STPG4: variants seen among roughly 807,000 people sequenced by gnomAD.
The protein encoded by STPG4 is protein STPG4.
Under a neutral mutation model 31.5 loss-of-function variants are expected in STPG4, and 41 were observed. The observed-to-expected ratio is 1.30, with a 90% confidence interval of 1.01 to 1.69. The LOEUF (loss-of-function observed/expected upper bound fraction) is 1.69, where lower values mean the gene tolerates loss of function less well. Ranked by LOEUF, STPG4 falls within the 40% of genes most tolerant of loss-of-function variation. STPG4 has a pLI of 0.00. For missense variants in STPG4, 375 were observed against 293.4 expected (o/e 1.28, Z -2.03); for synonymous variants, 141 against 103.0 (o/e 1.37, Z -2.24).
intron 6 of STPG4, among the ~76,000 whole-genome samples, 192 bp downstream of exon 6, chr2:47,090,078 G>A (rs1051179185): frequency 6.6e-6 from 1 of 152,176 alleles, no homozygotes; most frequent in African/African-American, 2.4e-5. Context: ...AGTTGGTTGA[G>A]AACATCCAGG....
intron 5 of STPG4, among the ~76,000 whole-genome samples, chr2:47,093,468 A>C (rs376320268): frequency 1.1e-4 from 16 of 152,240 alleles, no homozygotes; most frequent in African/African-American, 3.9e-4. Context: ...ATAAAGATGC[A>C]GTGCTCTGAA....
In STPG4 at chr2:47,086,999, A is replaced by G; in HGVS notation, c.*9T>C. On this transcript the variant is annotated 3_prime_UTR_variant, in exon 7 of 7. Coordinates refer to ENST00000445927, the MANE Select transcript of STPG4 (RefSeq NM_001163561.2). ...AAACCTCAAAGTAGAGCTTGGTGCC[A>G]AGATCACTTTATTTTAAAAGCCAAT... 1 of 1,551,644 alleles carries G rather than the reference A, an allele frequency of 6.4e-7. No individual in the cohort carries two copies. The highest frequency in any genetic ancestry group is 8.7e-7 in the Non-Finnish European group (1 of 1,146,938).
chr2:47,093,073 G>C (rs1685603446), intron 5 of STPG4, among the ~76,000 whole-genome samples: 1 of 152,168 alleles, frequency 6.6e-6, no homozygotes, highest in Non-Finnish European at 1.5e-5. Context: ...TTACAGGTGT[G>C]AGACACCGCA....
intron 5 of STPG4, among the ~76,000 whole-genome samples, chr2:47,121,940 A>G (rs988317286): frequency 1.3e-5 from 2 of 151,248 alleles, no homozygotes; most frequent in Non-Finnish European, 1.5e-5. Context: ...CCATCCCAAA[A>G]TCCTTAGCCA....
At chr2:47,103,426 G>C (rs765389656) in intron 5 of STPG4, among the ~76,000 whole-genome samples, 1 of 151,814 alleles carries the variant, frequency 6.6e-6, no homozygotes, top group Non-Finnish European at 1.5e-5. Context: ...AAATTCTAGA[G>C]ATATTATTAA....
At chr2:47,145,207 C>G (rs35904857) in intron 3 of STPG4, among the ~76,000 whole-genome samples, 9 of 151,912 alleles carry the variant, frequency 5.9e-5, no homozygotes, top group African/African-American at 2.2e-4. Flanking sequence ...AACTTCAGAG[C>G]CCTGGAAGAA....
chr2:47,103,358 A>T (rs925750643), intron 5 of STPG4, among the ~76,000 whole-genome samples: 2 of 151,984 alleles, frequency 1.3e-5, no homozygotes, highest in South Asian at 4.2e-4. Context: ...TAAGTTTATT[A>T]CCCAATCAGC....
chr2:47,154,106 G>A (rs815807), intron 1 of STPG4, among the ~76,000 whole-genome samples: 129,302 of 152,208 alleles, frequency 0.85, 55,168 homozygotes, highest in South Asian at 0.92. Context: ...TCATCAAGCA[G>A]GACTGCATTA....
intron 5 of STPG4, among the ~76,000 whole-genome samples, chr2:47,118,157 G>A (rs1230485827): frequency 2.0e-5 from 3 of 152,090 alleles, no homozygotes; most frequent in Non-Finnish European, 4.4e-5. Context: ...GGTGAGGGGT[G>A]GGCGAGCAAG....
At chr2:47,090,104 C>T (rs1017496861) in intron 6 of STPG4, among the ~76,000 whole-genome samples, 166 bp downstream of exon 6, 8 of 152,292 alleles carry the variant, frequency 5.3e-5, no homozygotes, top group Middle Eastern at 3.4e-3. Flanking sequence ...GAGGATTTCA[C>T]TCCTGATTGC....
At position 47,098,596 on chromosome 2, in the gene STPG4, T is replaced by A. The variant is rs536131925; in HGVS notation, c.520-8222A>T. Among the ~76,000 whole-genome samples the A allele has an allele frequency of 2.0e-5, 3 of 152,230 alleles. No individual in the cohort carries two copies. In the South Asian group the frequency reaches 6.2e-4, roughly 32 times the overall value. On this transcript the variant is annotated intron_variant, in intron 5 of 6. Coordinates refer to ENST00000445927, the MANE Select transcript of STPG4 (RefSeq NM_001163561.2). ...TAGCACAAACAGCTTTCAGTTGATATATTGAAAAGAGAAAGGGTCAGAAAA... is the reference window on the plus strand; with the variant it reads ...TAGCACAAACAGCTTTCAGTTGATAAATTGAAAAGAGAAAGGGTCAGAAAA...
intron 5 of STPG4, among the ~76,000 whole-genome samples, chr2:47,126,527 A>C (rs1686369056): frequency 6.6e-6 from 1 of 151,992 alleles, no homozygotes; most frequent in South Asian, 2.1e-4. Context: ...GAGTCTCTCT[A>C]TGTTGCCTAG....
chr2:47,100,937 T>G (rs1219634700), intron 5 of STPG4, among the ~76,000 whole-genome samples: 1 of 151,934 alleles, frequency 6.6e-6, no homozygotes, highest in Non-Finnish European at 1.5e-5. Flanking sequence ...GCGGCTTCAT[T>G]CTTGAACTCA....
At chr2:47,121,485 A>ACCTACAGAT (rs538908158) in intron 5 of STPG4, among the ~76,000 whole-genome samples, 248 of 152,268 alleles carry the variant, frequency 1.6e-3, no homozygotes, top group African/African-American at 5.8e-3. Flanking sequence ...TAGAAAAAAG[A>ACCTACAGAT]CCTACAGATA....
chr2:47,143,796 C>G (rs1288694648), intron 3 of STPG4, among the ~76,000 whole-genome samples: 2 of 152,106 alleles, frequency 1.3e-5, no homozygotes, highest in Non-Finnish European at 2.9e-5. Context: ...CCACCCTTTG[C>G]TCATTTTTAA....
chr2:47,112,242 C>T (rs1459079259), intron 5 of STPG4, among the ~76,000 whole-genome samples: 1 of 152,218 alleles, frequency 6.6e-6, no homozygotes, highest in Non-Finnish European at 1.5e-5. Context: ...TCTCCGCTCA[C>T]TGCAAACTCT....
intron 2 of STPG4, among the ~76,000 whole-genome samples, chr2:47,152,428 A>G (rs115742753): frequency 1.3e-5 from 2 of 152,296 alleles, no homozygotes; most frequent in Non-Finnish European, 2.9e-5. Flanking sequence ...AATTACTGCA[A>G]TTCCAAGAAG....
At position 47,140,941 on chromosome 2, in the gene STPG4, C is replaced by T. The variant is rs551187948; in HGVS notation, c.399+10317G>A. Among the ~76,000 whole-genome samples, 5 of 151,128 alleles carry T rather than the reference C, an allele frequency of 3.3e-5. No individual in the cohort carries two copies. The East Asian group carries it at 7.8e-4, about 23-fold the overall frequency. ...ACAGGGTCTCACTCTATCGGGGAGG[C>T]GGTGGTGTGATCTCGGCTCACTGCA... On this transcript the variant is annotated intron_variant, in intron 3 of 6. Transcript: ENST00000445927.
At chr2:47,107,177 C>T (rs963264709) in intron 5 of STPG4, among the ~76,000 whole-genome samples, 6 of 152,088 alleles carry the variant, frequency 3.9e-5, no homozygotes, top group South Asian at 4.2e-4. Flanking sequence ...CCCACTTTGG[C>T]GGCACTTAAG....
Sources: allele counts gnomAD v4.1 joint callset (sites outside exome capture counted in the v4.1 genomes callset), GRCh38; gene constraint gnomAD v4.1.1; transcripts MANE v1.5; gene names NCBI Gene and HGNC (gene_info 2026-07-23, HGNC 2026-07-21).